SEL1L2: variants seen among roughly 807,000 people sequenced by gnomAD.
The protein encoded by SEL1L2 is SEL1L2 adaptor subunit of SYVN1 ubiquitin ligase, also known as protein sel-1 homolog 2.
A neutral mutation model predicts 98.8 loss-of-function variants in SEL1L2; 89 were observed. The ratio of observed to expected loss-of-function variants is 0.90; its 90% CI spans 0.76 to 1.07. The LOEUF (loss-of-function observed/expected upper bound fraction) is 1.07. SEL1L2 is among the 50% of genes least tolerant of loss of function. The probability of loss-of-function intolerance (pLI) is 0.00; values close to 1 mark genes in which losing one functional copy is unlikely to be tolerated. For synonymous variants in SEL1L2, 262 were observed against 278.5 expected, an observed-to-expected ratio of 0.94 and a Z score of 0.59; for missense variants, 788 against 812.0, an observed-to-expected ratio of 0.97 and a Z score of 0.36.
At chr20:13,957,885 A>T (rs1330233617) in intron 1 of SEL1L2, among the ~76,000 whole-genome samples, 1 of 152,212 alleles carries the variant, frequency 6.6e-6, no homozygotes, top group Non-Finnish European at 1.5e-5. Context: ...TTAAATAAAT[A>T]AATATTCAAA....
Position 13,881,435 on chromosome 20 carries a change from A to G in SEL1L2, c.958-3847T>C, listed in dbSNP as rs188654685. Among the ~76,000 whole-genome samples, 436 of 152,344 alleles carry G rather than the reference A, an allele frequency of 2.9e-3. 2 individuals carry two copies. The highest frequency in any genetic ancestry group is 8.3e-3 in the South Asian group (40 of 4,826). Reference sequence around the variant, plus strand: ...CAGTTGCCCTTACAAATTTGATATTATTCCTCTGCTAGGTTTAATTTAATT... The same window carrying G: ...CAGTTGCCCTTACAAATTTGATATTGTTCCTCTGCTAGGTTTAATTTAATT... On this transcript the variant is annotated intron_variant, in intron 10 of 19. Coordinates refer to ENST00000284951, the MANE Select transcript of SEL1L2 (RefSeq NM_025229.2).
At chr20:13,879,198 G>A (rs1056812274) in intron 10 of SEL1L2, among the ~76,000 whole-genome samples, 1 of 152,154 alleles carries the variant, frequency 6.6e-6, no homozygotes, top group East Asian at 1.9e-4. Context: ...CTGAGCAAAC[G>A]AATGGGGATG....
At chr20:13,873,253 G>C (rs917057583) in intron 12 of SEL1L2, among the ~76,000 whole-genome samples, 1 of 152,082 alleles carries the variant, frequency 6.6e-6, no homozygotes, top group South Asian at 2.1e-4. Flanking sequence ...GCCTCCCAAA[G>C]TGCTGGGATT....
chr20:13,870,034 T>G (rs563678441), intron 13 of SEL1L2, 107 bp downstream of exon 13: 5 of 772,212 alleles, frequency 6.5e-6, no homozygotes, highest in Non-Finnish European at 1.1e-5. Flanking sequence ...ATATCACAGT[T>G]TGGCAAACCA....
At chr20:13,991,165 C>G (rs908306635), upstream of SEL1L2, among the ~76,000 whole-genome samples, 4 of 152,002 alleles carry the variant, frequency 2.6e-5, no homozygotes, top group African/African-American at 9.7e-5. Flanking sequence ...TTCAAAGCTA[C>G]GAGAAATCAA....
chr20:13,926,095 A>G (rs557321003), intron 3 of SEL1L2, among the ~76,000 whole-genome samples: 34 of 152,248 alleles, frequency 2.2e-4, no homozygotes, highest in South Asian at 6.2e-4. Flanking sequence ...AAGGCGGGCG[A>G]ATCACGAGGT....
At chr20:13,871,203 C>G (rs895266172) in intron 12 of SEL1L2, among the ~76,000 whole-genome samples, 2 of 152,124 alleles carry the variant, frequency 1.3e-5, no homozygotes, top group Non-Finnish European at 2.9e-5. Flanking sequence ...GATAGTAAAG[C>G]ATCGTTGGTA....
intron 19 of SEL1L2, 143 bp from the exon 20 acceptor site, chr20:13,849,747 C>T (rs971203140): frequency 1.3e-5 from 12 of 907,508 alleles, no homozygotes; most frequent in African/African-American, 1.0e-4. Context: ...ACACAATCTT[C>T]GCTTGCTTAC....
chr20:13,892,533 T>C (rs911491816), intron 5 of SEL1L2, among the ~76,000 whole-genome samples: 2 of 140,408 alleles, frequency 1.4e-5, no homozygotes, highest in Non-Finnish European at 3.1e-5. Flanking sequence ...ACAAAGAAAA[T>C]GAAAAAGGAA....
chr20:13,985,676 A>T (rs1734218043), intron 1 of SEL1L2, among the ~76,000 whole-genome samples: 1 of 152,188 alleles, frequency 6.6e-6, no homozygotes, highest in East Asian at 1.9e-4. Context: ...AACTTTCATT[A>T]AAGATTTATT....
chr20:13,990,448 T>C (rs772104253), intron 1 of SEL1L2, 29 bp downstream of exon 1: 65 of 1,502,392 alleles, frequency 4.3e-5, no homozygotes, highest in Admixed American at 2.2e-4. Flanking sequence ...GAGACCCTCA[T>C]AGAGAACTCT....
At chr20:13,849,735 AG>A in intron 19 of SEL1L2, 131 bp from the exon 20 acceptor site, 2 of 1,109,078 alleles carry the variant, frequency 1.8e-6, no homozygotes, top group Non-Finnish European at 2.6e-6. Flanking sequence ...CAGTCTTGGA[AG>A]ACACAATCTT....
chr20:13,933,963 GT>G (rs55934887), intron 2 of SEL1L2, among the ~76,000 whole-genome samples: 2 of 143,828 alleles, frequency 1.4e-5, no homozygotes, highest in African/African-American at 5.1e-5. Flanking sequence ...TAAACCTAAG[GT>G]TTTTTTTTTT....
intron 5 of SEL1L2, among the ~76,000 whole-genome samples, chr20:13,892,633 A>G (rs2047254564): frequency 1.3e-5 from 2 of 152,344 alleles, no homozygotes; most frequent in South Asian, 4.1e-4. Flanking sequence ...AAATAACTAC[A>G]AGATGTACAG....
chr20:13,883,673 C>T (rs1314206933), intron 10 of SEL1L2, among the ~76,000 whole-genome samples: 2 of 150,530 alleles, frequency 1.3e-5, no homozygotes, highest in Admixed American at 6.6e-5. Flanking sequence ...CCTGGGATTG[C>T]ACTTCATCCT....
At chr20:13,984,915 C>A (rs1221541030) in intron 1 of SEL1L2, among the ~76,000 whole-genome samples, 1 of 152,070 alleles carries the variant, frequency 6.6e-6, no homozygotes, top group Non-Finnish European at 1.5e-5. Context: ...TAGCATGTTT[C>A]TCACTTCAAA....
At chr20:13,993,895 CTCTT>C (rs1206317989), upstream of SEL1L2, among the ~76,000 whole-genome samples, 1 of 152,120 alleles carries the variant, frequency 6.6e-6, no homozygotes, top group East Asian at 1.9e-4. Context: ...AATCAAAGAC[CTCTT>C]TCTATTTCTA....
intron 14 of SEL1L2, among the ~76,000 whole-genome samples, chr20:13,867,373 A>G (rs1016905400): frequency 2.0e-5 from 3 of 152,252 alleles, no homozygotes; most frequent in African/African-American, 7.2e-5. Flanking sequence ...GACTCCCAGC[A>G]GCCAAGATTC....
intron 1 of SEL1L2, among the ~76,000 whole-genome samples, chr20:13,967,763 C>A (rs1555899884): frequency 6.6e-6 from 1 of 151,998 alleles, no homozygotes; most frequent in Non-Finnish European, 1.5e-5. Context: ...TATTGCCCCC[C>A]AACCTCTATG....
Sources: gnomAD v4.1 joint callset for allele counts (sites outside exome capture counted in the v4.1 genomes callset) on GRCh38, gnomAD v4.1.1 for gene constraint, MANE v1.5 for transcripts, NCBI Gene and HGNC (gene_info 2026-07-23, HGNC 2026-07-21) for gene names.